ARSG: variants seen among roughly 807,000 people sequenced by gnomAD.
ARSG encodes the protein ASG.
In ARSG, 37 loss-of-function variants were observed where a neutral mutation model predicts 50.5. That is an observed-to-expected ratio of 0.73 (90% CI 0.56 to 0.96). The LOEUF is 0.96. Among genes scored for constraint, ARSG ranks in the 50% least tolerant of loss-of-function variants. ARSG has a pLI of 0.00. For synonymous variants in ARSG, 225 were observed against 254.6 expected (o/e 0.88, Z 1.11); for missense variants, 629 against 675.3 (o/e 0.93, Z 0.76).
chr17:68,374,014 G>A (rs886134947), intron 8 of ARSG, among the ~76,000 whole-genome samples: 133 of 151,792 alleles, frequency 8.8e-4, no homozygotes, highest in East Asian at 1.7e-3. Flanking sequence ...AAAATTAGCC[G>A]GGCATGGTGG....
chr17:68,332,616 A>T (rs1462498453), intron 2 of ARSG, among the ~76,000 whole-genome samples: 1 of 152,216 alleles, frequency 6.6e-6, no homozygotes, highest in Non-Finnish European at 1.5e-5. Flanking sequence ...GAACTAATAA[A>T]TGTCCATGAA....
At chr17:68,365,604 G>A (rs2146650519) in intron 6 of ARSG, among the ~76,000 whole-genome samples, 1 of 152,326 alleles carries the variant, frequency 6.6e-6, no homozygotes, top group East Asian at 1.9e-4. Context: ...GAGTTTGGAA[G>A]ATGATGATGG....
the ARSG span, chr17:68,433,486 A>G: frequency 1.2e-6 from 2 of 1,613,756 alleles, no homozygotes; most frequent in Admixed American, 1.7e-5. Flanking sequence ...GACCTGTTCC[A>G]GCTTGAAGAT....
At chr17:68,339,390 G>T (rs1046790069) in intron 2 of ARSG, among the ~76,000 whole-genome samples, 8 of 152,204 alleles carry the variant, frequency 5.3e-5, no homozygotes, top group African/African-American at 1.9e-4. Flanking sequence ...ATTATACTCA[G>T]AAAATGAACA....
Position 68,343,684 on chromosome 17 carries a change from A to C in ARSG, c.299A>C (p.Asn100Thr). The C allele has an allele frequency of 6.2e-7, 1 of 1,614,100 alleles. No homozygotes were observed. The highest frequency in any genetic ancestry group is 8.5e-7 in the Non-Finnish European group (1 of 1,179,996). The change falls in exon 3 of 12, where the codon AAT (asparagine) becomes ACT (threonine). Residue 100 changes from asparagine to threonine, a missense_variant. Asn to Thr is a moderately conservative substitution (Grantham distance 65). Coordinates refer to ENST00000621439, the MANE Select transcript of ARSG (RefSeq NM_001267727.2). ...SLLTGRLGLR[N>T]GVTRNFAVTS... is the part of the protein sequence containing the mutation. ...CTCACCGGCCGGCTTGGCCTTCGCA[A>C]TGGAGTCACACGCAACTTTGCAGTC...
At chr17:68,335,079 C>T (rs2077954448) in intron 2 of ARSG, among the ~76,000 whole-genome samples, 1 of 152,132 alleles carries the variant, frequency 6.6e-6, no homozygotes, top group Non-Finnish European at 1.5e-5. Flanking sequence ...TCACTGCAGC[C>T]TCTAACTCCT....
chr17:68,442,855 C>A, the ARSG span, among the ~76,000 whole-genome samples: 22 of 152,198 alleles, frequency 1.4e-4, no homozygotes, highest in Non-Finnish European at 2.9e-4. Context: ...TTGAAGGGAA[C>A]TCGTGACAAC....
the ARSG span, among the ~76,000 whole-genome samples, chr17:68,429,498 A>T: frequency 9.2e-5 from 14 of 152,336 alleles, no homozygotes; most frequent in East Asian, 2.7e-3. Context: ...TAAAATTCCC[A>T]TGCCAACTTC....
At chr17:68,331,823 G>A (rs925780989) in intron 2 of ARSG, among the ~76,000 whole-genome samples, 1 of 152,154 alleles carries the variant, frequency 6.6e-6, no homozygotes, top group Non-Finnish European at 1.5e-5. Context: ...GTTCCGTGAT[G>A]CCCCCAAGCC....
At chr17:68,327,629 A>G (rs1230584684) in intron 2 of ARSG, among the ~76,000 whole-genome samples, 2 of 152,176 alleles carry the variant, frequency 1.3e-5, no homozygotes, top group Non-Finnish European at 2.9e-5. Flanking sequence ...ACTTCGGTAT[A>G]ATCTCATCTT....
At chr17:68,353,166 G>A (rs560038688) in intron 5 of ARSG, among the ~76,000 whole-genome samples, 125 of 151,802 alleles carry the variant, frequency 8.2e-4, no homozygotes, top group African/African-American at 2.7e-3. Context: ...AAGTAATTGC[G>A]GTTTTTGCTG....
chr17:68,390,406 G>A (rs955498994), intron 9 of ARSG, among the ~76,000 whole-genome samples: 1 of 152,120 alleles, frequency 6.6e-6, no homozygotes, highest in Non-Finnish European at 1.5e-5. Context: ...TTTTCATAAG[G>A]GCAATGCAAC....
chr17:68,431,070 C>A, the ARSG span, among the ~76,000 whole-genome samples: 424 of 152,322 alleles, frequency 2.8e-3, 5 homozygotes, highest in African/African-American at 9.8e-3. Flanking sequence ...CATCCTTGTA[C>A]TGTCTGTCCC....
the ARSG span, among the ~76,000 whole-genome samples, chr17:68,449,016 G>A: frequency 3.9e-5 from 6 of 152,162 alleles, no homozygotes; most frequent in Non-Finnish European, 8.8e-5. Context: ...ATTTGAAAGA[G>A]TTGATCAATT....
intron 6 of ARSG, among the ~76,000 whole-genome samples, chr17:68,362,127 C>T (rs2079319116): frequency 6.6e-6 from 1 of 152,096 alleles, no homozygotes; most frequent in African/African-American, 2.4e-5. Flanking sequence ...CCTTCATGAG[C>T]TCATGCCTGG....
intron 1 of ARSG, among the ~76,000 whole-genome samples, chr17:68,293,870 G>A (rs941946276): frequency 6.6e-6 from 1 of 152,094 alleles, no homozygotes; most frequent in Non-Finnish European, 1.5e-5. Flanking sequence ...AAAAAGTCAC[G>A]CAACATGACT....
chr17:68,335,854 C>T (rs951847567), intron 2 of ARSG, among the ~76,000 whole-genome samples: 3 of 152,170 alleles, frequency 2.0e-5, no homozygotes, highest in Non-Finnish European at 4.4e-5. Context: ...GTGCAGGCAT[C>T]GGGGCAGCAG....
At chr17:68,438,597 C>T in the ARSG span, among the ~76,000 whole-genome samples, 1 of 152,174 alleles carries the variant, frequency 6.6e-6, no homozygotes, top group African/African-American at 2.4e-5. Context: ...TTTCTCAGCA[C>T]ATATGTTTTG....
chr17:68,450,826 T>C, the ARSG span: 59 of 1,614,190 alleles, frequency 3.7e-5, no homozygotes, highest in Non-Finnish European at 4.7e-5. Context: ...TGCCGTGGTT[T>C]TGTGTGACTG....
Sources: gnomAD v4.1 joint callset for allele counts (sites outside exome capture counted in the v4.1 genomes callset) on GRCh38, gnomAD v4.1.1 for gene constraint, MANE v1.5 for transcripts, NCBI Gene and HGNC (gene_info 2026-07-23, HGNC 2026-07-21) for gene names.